Variants in PCDHA13 observed in about 807,000 individuals in gnomAD.
PCDHA13 encodes the protein protocadherin alpha 13, also known as protocadherin alpha-13.
PCDHA13 carries 54 observed loss-of-function variants against 64.8 expected under a neutral mutation model. The observed-to-expected ratio is 0.83, with a 90% CI of 0.67 to 1.04. PCDHA13 has a LOEUF of 1.04. PCDHA13 is among the 50% of genes least tolerant of loss of function. PCDHA13 has a pLI of 0.00. For synonymous variants in PCDHA13, 587 were observed against 564.4 expected (o/e 1.04, Z -0.57); for missense variants, 1,248 against 1,254.3 (o/e 0.99, Z 0.08).
At chr5:141,006,813 T>C (rs1171771789) in intron 3 of PCDHA13, among the ~76,000 whole-genome samples, 1 of 152,018 alleles carries the variant, frequency 6.6e-6, no homozygotes, top group African/African-American at 2.4e-5. Flanking sequence ...GCTTGAGAAA[T>C]GGGGTAAATG....
intron 1 of PCDHA13, 139 bp from the exon 2 acceptor site, chr5:140,978,808 TAG>T: frequency 6.7e-7 from 1 of 1,496,146 alleles, no homozygotes; most frequent in Non-Finnish European, 8.9e-7. Flanking sequence ...GATATCATCA[TAG>T]AGTTACACAT....
chr5:140,949,779 T>A (rs1414817850), intron 1 of PCDHA13, among the ~76,000 whole-genome samples: 1 of 151,898 alleles, frequency 6.6e-6, no homozygotes, highest in East Asian at 1.9e-4. Context: ...ATTTGATATG[T>A]TTAGATTTGT....
At chr5:140,927,095 TG>T in intron 1 of PCDHA13, 1 of 1,612,210 alleles carries the variant, frequency 6.2e-7, no homozygotes, top group Non-Finnish European at 8.5e-7. Flanking sequence ...TACTTCGGGG[TG>T]GATCTACCCA....
rs74520967 is a variant in PCDHA13 at position 140,931,074 on chromosome 5, G to A, written c.2394+46412G>A. Among the ~76,000 whole-genome samples, 869 of 152,264 alleles carry A rather than the reference G, an allele frequency of 5.7e-3. 7 individuals are homozygous for A. The highest frequency in any genetic ancestry group is 0.018 in the African/African-American group (768 of 41,552). ...ATGCTGTGTCTGGGACTAAGTATGAGTCCAGTTCTACAGATGACAAAGGAA... is the reference window on the plus strand; with the variant it reads ...ATGCTGTGTCTGGGACTAAGTATGAATCCAGTTCTACAGATGACAAAGGAA... On this transcript the variant is annotated intron_variant, in intron 1 of 3. Coordinates refer to ENST00000289272, the MANE Select transcript of PCDHA13 (RefSeq NM_018904.3).
intron 1 of PCDHA13, chr5:140,929,256 A>T (rs572411725): frequency 1.9e-6 from 3 of 1,613,220 alleles, no homozygotes; most frequent in Non-Finnish European, 2.5e-6. Context: ...CTGGGGTAGG[A>T]CTGAATTTGC....
In PCDHA13 at chr5:140,894,992, T is replaced by C. The variant is rs78280553; in HGVS notation, c.2394+10330T>C. Among the ~76,000 whole-genome samples, 440 of 152,300 alleles carry C rather than the reference T, an allele frequency of 2.9e-3. 1 individual carries two copies. The highest frequency in any genetic ancestry group is 0.01 in the African/African-American group (421 of 41,556). On this transcript the variant is annotated intron_variant, in intron 1 of 3. Transcript: ENST00000289272. ...TAATGTCTTACTTTGTGACATCCTT[T>C]ACCCTTTTTACTTGGACCTTTTTCC...
chr5:141,009,729 G>A lies in PCDHA13; in HGVS notation c.2645G>A (p.Gly882Asp). 6.2e-7 allele frequency: 1 copy of A among 1,614,168 alleles called. No homozygotes were observed. The highest frequency in any genetic ancestry group is 8.5e-7 in the Non-Finnish European group (1 of 1,180,028). The change falls in exon 4 of 4, where the codon GGT (glycine) becomes GAT (aspartate). Residue 882 changes from glycine to aspartate, a missense_variant. Physicochemically the swap from Gly to Asp is moderately conservative, Grantham distance 94. Transcript: ENST00000289272. ...GGCAACCCCAAACAATCCGGTCCCG[G>A]TGAGTTGCCCGACAAATTCATTATC... ...GPGNPKQSGP[G>D]ELPDKFIIPG...
intron 1 of PCDHA13, among the ~76,000 whole-genome samples, chr5:140,892,929 C>T (rs1259333006): frequency 2.6e-5 from 4 of 152,174 alleles, no homozygotes; most frequent in Non-Finnish European, 5.9e-5. Flanking sequence ...TTCCCAGCCT[C>T]TGATAAGCAC....
At chr5:140,957,070 C>T (rs1260856872) in intron 1 of PCDHA13, among the ~76,000 whole-genome samples, 2 of 151,958 alleles carry the variant, frequency 1.3e-5, no homozygotes, top group Non-Finnish European at 2.9e-5. Context: ...TGACTGAGGG[C>T]TTTTTATTAA....
intron 1 of PCDHA13, among the ~76,000 whole-genome samples, chr5:140,923,218 TCG>T (rs1584297306): frequency 7.4e-6 from 1 of 135,282 alleles, no homozygotes; most frequent in Non-Finnish European, 1.7e-5. Flanking sequence ...GGTGAAAGGA[TCG>T]TTTGAGCCCA....
intron 1 of PCDHA13, among the ~76,000 whole-genome samples, chr5:140,943,778 G>A (rs1554215923): frequency 6.6e-6 from 1 of 152,242 alleles, no homozygotes; most frequent in African/African-American, 2.4e-5. Flanking sequence ...AAACTAGGAA[G>A]TGGTCCTTTA....
At chr5:140,887,459 G>T (rs532781133) in intron 1 of PCDHA13, among the ~76,000 whole-genome samples, 4 of 152,126 alleles carry the variant, frequency 2.6e-5, no homozygotes, top group Non-Finnish European at 5.9e-5. Flanking sequence ...TTTTTTAAAA[G>T]ATATAATTCA....
chr5:140,891,009 A>G (rs2062900955), intron 1 of PCDHA13, among the ~76,000 whole-genome samples: 1 of 151,934 alleles, frequency 6.6e-6, no homozygotes, highest in South Asian at 2.1e-4. Flanking sequence ...ATTGAAAAGC[A>G]TTTTTTCTGA....
chr5:140,968,962 C>T (rs1554231271), intron 1 of PCDHA13: 29 of 1,614,056 alleles, frequency 1.8e-5, no homozygotes, highest in Non-Finnish European at 2.2e-5. Context: ...TCAAGTGCTA[C>T]CGCTACACTG....
At position 140,929,057 on chromosome 5, in the gene PCDHA13, C is replaced by G. The variant is rs17844370; in HGVS notation, c.2394+44395C>G. The stretch of plus-strand genomic sequence containing the variant: ...TGCGCTCAGAGCTGCTGTCGCTCTA[C>G]AGAGGATCTGAGGTATGGAAGTAAG... On this transcript the variant is annotated intron_variant, in intron 1 of 3. Coordinates refer to ENST00000289272, the MANE Select transcript of PCDHA13 (RefSeq NM_018904.3). 3 of 1,614,070 alleles carry G rather than the reference C, an allele frequency of 1.9e-6. No individual in the cohort carries two copies. The African/African-American group carries it at 4.0e-5, about 22-fold the overall frequency.
chr5:140,983,005 A>AAAGG (rs1223217874), intron 3 of PCDHA13, among the ~76,000 whole-genome samples: 11 of 152,228 alleles, frequency 7.2e-5, no homozygotes, highest in African/African-American at 2.4e-4. Flanking sequence ...AAAGAAAGAA[A>AAAGG]AAGGAAGGAA....
At chr5:141,003,245 A>T (rs1554258962) in intron 3 of PCDHA13, among the ~76,000 whole-genome samples, 1 of 152,216 alleles carries the variant, frequency 6.6e-6, no homozygotes, top group African/African-American at 2.4e-5. Context: ...TTTGCCAAAA[A>T]GATTCCTGGG....
intron 3 of PCDHA13, among the ~76,000 whole-genome samples, chr5:141,004,397 GA>G (rs2098164833): frequency 6.6e-6 from 1 of 152,188 alleles, no homozygotes; most frequent in African/African-American, 2.4e-5. Context: ...ACATGTGGAG[GA>G]GGCACCTGAC....
chr5:140,923,456 G>T (rs1554201450), intron 1 of PCDHA13, among the ~76,000 whole-genome samples: 3 of 152,134 alleles, frequency 2.0e-5, no homozygotes, highest in African/African-American at 7.2e-5. Flanking sequence ...TGAGCCCAGA[G>T]AGGTAGGGGC....
Sources: gnomAD v4.1 joint callset for allele counts (sites outside exome capture counted in the v4.1 genomes callset) on GRCh38, gnomAD v4.1.1 for gene constraint, MANE v1.5 for transcripts, NCBI Gene and HGNC (gene_info 2026-07-23, HGNC 2026-07-21) for gene names.